The following PDS5B variants were observed in gnomAD, a reference collection of about 807,000 sequenced individuals.
PDS5B encodes sister chromatid cohesion protein PDS5 homolog B.
In PDS5B, 51 loss-of-function variants were observed where a neutral mutation model predicts 184.1. That is an observed-to-expected ratio of 0.28 (90% confidence interval 0.22 to 0.35). The LOEUF is 0.35. PDS5B is among the 10% of genes least tolerant of loss of function. The probability of loss-of-function intolerance (pLI) is 1.00; values close to 1 mark genes in which losing one functional copy is unlikely to be tolerated. For missense variants in PDS5B, 1,180 were observed against 1,723.3 expected (o/e 0.68, Z 5.58); for synonymous variants, 566 against 569.2 (o/e 0.99, Z 0.08).
intron 21 of PDS5B, among the ~76,000 whole-genome samples, chr13:32,736,186 T>G (rs1566391572): frequency 3.3e-5 from 5 of 152,116 alleles, no homozygotes. Flanking sequence ...ACTGCTGTTA[T>G]TTTATGCAGT....
At chr13:32,643,999 C>A (rs1459081238) in intron 1 of PDS5B, among the ~76,000 whole-genome samples, 2 of 151,928 alleles carry the variant, frequency 1.3e-5, no homozygotes, top group African/African-American at 4.8e-5. Context: ...GATGTAGGGA[C>A]AGTTTCTTTT....
At chr13:32,738,420 A>G (rs760124348) in intron 21 of PDS5B, among the ~76,000 whole-genome samples, 6 of 152,180 alleles carry the variant, frequency 3.9e-5, no homozygotes, top group African/African-American at 7.2e-5. Flanking sequence ...TATAGTCCCA[A>G]TGTGCATTTC....
chr13:32,734,011 C>CACAA (rs1555312881), intron 20 of PDS5B, among the ~76,000 whole-genome samples: 5 of 151,374 alleles, frequency 3.3e-5, no homozygotes, highest in Non-Finnish European at 7.4e-5. Flanking sequence ...CACACACACA[C>CACAA]ACAAACATAT....
chr13:32,716,792 TG>T (rs377036014), intron 19 of PDS5B, among the ~76,000 whole-genome samples: 17,234 of 85,254 alleles, frequency 0.2, 2,711 homozygotes, highest in Non-Finnish European at 0.31. Flanking sequence ...GGGAGGGAGG[TG>T]GGGGGGTCAG....
chr13:32,590,766 C>T (rs2057761781), intron 1 of PDS5B, among the ~76,000 whole-genome samples: 1 of 151,912 alleles, frequency 6.6e-6, no homozygotes, highest in African/African-American at 2.4e-5. Context: ...TGAAGTTCTA[C>T]CAGGTAGTTT....
At chr13:32,747,637 G>A (rs1259106454) in intron 24 of PDS5B, among the ~76,000 whole-genome samples, 1 of 151,162 alleles carries the variant, frequency 6.6e-6, no homozygotes, top group African/African-American at 2.4e-5. Flanking sequence ...CCTTGGTATA[G>A]TTTCCCCACT....
intron 20 of PDS5B, among the ~76,000 whole-genome samples, chr13:32,734,416 T>G (rs549307231): frequency 1.2e-4 from 19 of 152,312 alleles, no homozygotes; most frequent in African/African-American, 4.3e-4. Context: ...TGCATATTAA[T>G]GGTTGGGTTT....
rs867982829 is a variant in PDS5B at position 32,775,903 on chromosome 13, A to G, written c.*851A>G. ...GTATCAATAAAATTCTGTAATTTGA[A>G]TGAGTTTTTAATAGTCTAGAATGTT... On this transcript the variant is annotated 3_prime_UTR_variant, in exon 35 of 35. Transcript: ENST00000315596. The G allele has an allele frequency of 3.5e-6, 1 of 286,338 alleles. No individual in the cohort carries two copies. 17.7% of individuals were successfully genotyped at this position (286,338 alleles called of 1,614,324 possible).
chr13:32,703,577 C>G (rs1309724625), intron 17 of PDS5B, among the ~76,000 whole-genome samples: 1 of 152,172 alleles, frequency 6.6e-6, no homozygotes, highest in Non-Finnish European at 1.5e-5. Context: ...CAGTAAATTG[C>G]ACATAGGGTG....
intron 1 of PDS5B, among the ~76,000 whole-genome samples, chr13:32,618,348 A>G (rs934075609): frequency 1.3e-5 from 2 of 152,222 alleles, no homozygotes; most frequent in African/African-American, 4.8e-5. Context: ...TGGTCTGAAA[A>G]TACTAAATGG....
At chr13:32,719,296 C>T (rs1265117134) in intron 19 of PDS5B, among the ~76,000 whole-genome samples, 2 of 152,122 alleles carry the variant, frequency 1.3e-5, no homozygotes, top group Non-Finnish European at 2.9e-5. Flanking sequence ...AGTCCCCCCA[C>T]CTCAGCCTCC....
At chr13:32,623,904 T>C (rs2058336451) in intron 1 of PDS5B, among the ~76,000 whole-genome samples, 1 of 152,038 alleles carries the variant, frequency 6.6e-6, no homozygotes, top group South Asian at 2.1e-4. Flanking sequence ...CTCCACCTCC[T>C]GGGTTCAAGT....
At chr13:32,705,497 A>C (rs1412093450) in intron 17 of PDS5B, among the ~76,000 whole-genome samples, 2 of 152,208 alleles carry the variant, frequency 1.3e-5, no homozygotes, top group Non-Finnish European at 2.9e-5. Context: ...ACTTGACCTT[A>C]AATTTGAATA....
At chr13:32,714,271 C>T (rs9596113) in intron 19 of PDS5B, among the ~76,000 whole-genome samples, 58,243 of 151,618 alleles carry the variant, frequency 0.38, 11,630 homozygotes, top group Non-Finnish European at 0.44. Flanking sequence ...CAGGAGACAG[C>T]GTTTTGAGAT....
chr13:32,664,967 T>G (rs558565614), intron 6 of PDS5B, among the ~76,000 whole-genome samples: 1 of 152,318 alleles, frequency 6.6e-6, no homozygotes, highest in East Asian at 1.9e-4. Flanking sequence ...CCAAACAGTT[T>G]TGAAGAAGAA....
intron 19 of PDS5B, among the ~76,000 whole-genome samples, chr13:32,728,943 T>G (rs1953005233): frequency 1.3e-5 from 2 of 152,186 alleles, no homozygotes; most frequent in Admixed American, 6.5e-5. Context: ...TTTAAAAAAA[T>G]TAAACGTTGA....
intron 21 of PDS5B, among the ~76,000 whole-genome samples, chr13:32,737,406 C>T (rs1675060021): frequency 6.6e-6 from 1 of 152,134 alleles, no homozygotes; most frequent in South Asian, 2.1e-4. Flanking sequence ...GATTCTTAAT[C>T]TTGTTCTTCT....
At chr13:32,641,483 A>T (rs144591174) in intron 1 of PDS5B, among the ~76,000 whole-genome samples, 113 of 152,242 alleles carry the variant, frequency 7.4e-4, no homozygotes, top group African/African-American at 2.6e-3. Flanking sequence ...ACTGAGGGTG[A>T]TCATCACTAT....
chr13:32,617,990 A>C (rs1792563914), intron 1 of PDS5B, among the ~76,000 whole-genome samples: 2 of 152,180 alleles, frequency 1.3e-5, no homozygotes, highest in Non-Finnish European at 2.9e-5. Context: ...CAGGTTGTGT[A>C]GTCTGGTAAG....
Sources: allele counts gnomAD v4.1 joint callset (sites outside exome capture counted in the v4.1 genomes callset), GRCh38; gene constraint gnomAD v4.1.1; transcripts MANE v1.5; gene names NCBI Gene and HGNC (gene_info 2026-07-23, HGNC 2026-07-21).